OTOF: variants seen among roughly 807,000 people sequenced by gnomAD.
OTOF encodes fer-1-like family member 2.
Under a neutral mutation model 236.8 loss-of-function variants are expected in OTOF, and 218 were observed. The ratio of observed to expected loss-of-function variants is 0.92; its 90% CI spans 0.82 to 1.03. The LOEUF is 1.03. OTOF is among the 50% of genes least tolerant of loss of function. OTOF has a pLI of 0.00. For missense variants in OTOF, 2,590 were observed against 2,694.4 expected, an observed-to-expected ratio of 0.96 and a Z score of 0.86; for synonymous variants, 1,041 against 1,072.5, an observed-to-expected ratio of 0.97 and a Z score of 0.57.
Position 26,468,444 on chromosome 2 carries a change from C to A in OTOF, c.4054G>T (p.Asp1352Tyr). The A allele has an allele frequency of 6.2e-7, 1 of 1,614,108 alleles. No homozygotes were observed. The highest frequency in any genetic ancestry group is 1.1e-5 in the South Asian group (1 of 91,076). Residue 1352 changes from aspartate (D) to tyrosine (Y), a missense_variant, in exon 33 of 47, where the codon GAC becomes TAC. Asp to Tyr is a radical substitution (Grantham distance 160). Coordinates refer to ENST00000272371, the MANE Select transcript of OTOF (RefSeq NM_194248.3). ...TCCACTTCCTCCTTCTCCTCCAAGT[C>A]AATTCCAGAGGGCTCTTGTTGTCGA... The part of the protein sequence containing the change: ...QLRQQEPSGI[D>Y]LEEKEEVDNT...
intron 1 of OTOF, among the ~76,000 whole-genome samples, chr2:26,551,514 T>G (rs1050903463): frequency 2.0e-5 from 3 of 152,162 alleles, no homozygotes; most frequent in Admixed American, 6.5e-5. Flanking sequence ...CATCCTGGGC[T>G]AAGTGGGTTT....
rs1664658651 is a variant in OTOF at position 26,464,974 on chromosome 2, G to T, written c.4855C>A (p.Leu1619Ile). ...CCGTCCACTTTGCCGTCTTTGCAGA[G>T]GCGGGTCAGGATCTGGCTGGGCTTC... ...PMKPSQILTR[L>I]CKDGKVDGPH... Residue 1619 changes from leucine to isoleucine, a missense_variant, in exon 39 of 47, where the codon CTC becomes ATC. Physicochemically the swap from Leu to Ile is conservative, Grantham distance 5. Around this residue, in one of 2 missense-constraint regions of OTOF, gnomAD observed 1,211 missense variants for 1,352.8 expected, o/e 0.90. Coordinates refer to ENST00000272371, the MANE Select transcript of OTOF (RefSeq NM_194248.3). 1 of 1,544,844 alleles carries T rather than the reference G, an allele frequency of 6.5e-7. No individual in the cohort carries two copies. The highest frequency in any genetic ancestry group is 1.4e-5 in the African/African-American group (1 of 71,780).
chr2:26,510,886 C>G, intron 5 of OTOF: 1 of 383,438 alleles, frequency 2.6e-6, no homozygotes, highest in Non-Finnish European at 4.9e-6. Context: ...TCTCACCCCA[C>G]AGCTTCGCAC....
chr2:26,536,983 G>A (rs186301690), intron 2 of OTOF, among the ~76,000 whole-genome samples: 8 of 152,310 alleles, frequency 5.3e-5, no homozygotes, highest in Admixed American at 3.9e-4. Flanking sequence ...GAGGGGAAGG[G>A]CAGGGAGAGG....
intron 1 of OTOF, among the ~76,000 whole-genome samples, chr2:26,552,081 T>C (rs1319052216): frequency 1.3e-5 from 1 of 74,528 alleles, no homozygotes; most frequent in East Asian, 4.4e-4. Context: ...TTTTTTTATA[T>C]ATAAAAAGTT....
At chr2:26,465,649 C>T (rs1664688232) in intron 38 of OTOF, 23 bp downstream of exon 38, 1 of 1,611,866 alleles carries the variant, frequency 6.2e-7, no homozygotes, top group Non-Finnish European at 8.5e-7. Context: ...CTGCCCCCGC[C>T]CTCTGCCCCA....
Position 26,461,125 on chromosome 2 carries a change from G to A in OTOF, c.5534-95C>T. ...GGCTCCTCGGCCCCTTGTTTGCTGA[G>A]TGCAGACCTCCCTGAGCCCACATCT... On this transcript the variant is annotated intron_variant, in intron 43 of 46. Transcript: ENST00000272371. The surrounding 1 kb of genome is among the most constrained non-coding windows in gnomAD (Gnocchi z 6.2). The A allele has an allele frequency of 1.1e-5, 12 of 1,050,764 alleles. 1 individual carries two copies. In the South Asian group the frequency reaches 1.6e-4, roughly 14 times the overall value. The allele number at this position is 1,050,764 out of a possible 1,614,324, so 65.1% of individuals were successfully genotyped here. A position where few individuals can be genotyped will look rare whatever the true frequency, so the allele number is the denominator to read the frequency against.
At position 26,460,773 on chromosome 2, in the gene OTOF, G is replaced by C; in HGVS notation, c.5713-26C>G. The C allele has an allele frequency of 6.2e-7, 1 of 1,612,928 alleles. No homozygotes were observed. Among genetic ancestry groups the C allele is most frequent in the Non-Finnish European group, 8.5e-7 (1 of 1,179,014 alleles). ...CTGCAGAGGACAGACAGGTCCCAGC[G>C]TCCAGGCTGCGTGCTGGGCCCTTGG... On this transcript the variant is annotated intron_variant, in intron 44 of 46. Transcript: ENST00000272371. The surrounding 1 kb of genome is among the most constrained non-coding windows in gnomAD (Gnocchi z 5.3).
chr2:26,477,829 A>G lies in OTOF; in HGVS notation c.2215-80T>C, dbSNP rs143141993. 6,076 of 1,581,032 alleles carry G rather than the reference A, an allele frequency of 3.8e-3. 15 individuals carry two copies. Among genetic ancestry groups the G allele is most frequent in the Non-Finnish European group, 4.7e-3 (5,502 of 1,163,544 alleles). ...CCCAAATGCCTCCTCCCTGTTGATC[A>G]GGGGAGTGAGGGACCTCATGATCTG... is the stretch of plus-strand genomic sequence containing the variant. On this transcript the variant is annotated intron_variant, in intron 18 of 46. Coordinates refer to ENST00000272371, the MANE Select transcript of OTOF (RefSeq NM_194248.3). The surrounding 1 kb of genome is among the most constrained non-coding windows in gnomAD (Gnocchi z 4.7).
chr2:26,557,764 G>C (rs1356524404), intron 1 of OTOF, among the ~76,000 whole-genome samples: 2 of 151,718 alleles, frequency 1.3e-5, no homozygotes, highest in Admixed American at 6.6e-5. Flanking sequence ...TGCTTCTGTA[G>C]CTTGCATGCT....
intron 2 of OTOF, among the ~76,000 whole-genome samples, chr2:26,530,866 G>A (rs1321932558): frequency 6.6e-6 from 1 of 152,164 alleles, no homozygotes; most frequent in African/African-American, 2.4e-5. Flanking sequence ...GTGGGGTCCT[G>A]GCATCAGTGT....
At chr2:26,523,598 A>T (rs1240776586) in intron 3 of OTOF, among the ~76,000 whole-genome samples, 1 of 152,080 alleles carries the variant, frequency 6.6e-6, no homozygotes, top group East Asian at 1.9e-4. Context: ...CCTTCAGAGA[A>T]GAGGGGCCAC....
chr2:26,479,148 G>C, intron 18 of OTOF, 116 bp downstream of exon 18: 1 of 1,355,972 alleles, frequency 7.4e-7, no homozygotes, highest in Non-Finnish European at 1.0e-6. Flanking sequence ...AGGTCCTGCT[G>C]GGGCCGTTCC....
In OTOF at chr2:26,473,512, C is replaced by T. The variant is rs532405862; in HGVS notation, c.3464G>A (p.Arg1155Gln). 137 of 1,612,756 alleles carry T rather than the reference C, an allele frequency of 8.5e-5. No individual in the cohort carries two copies. In the South Asian group the frequency reaches 1.1e-3, roughly 13 times the overall value. ...TGCACACTCGATGTCCACCCGTGGC[C>T]GGTCCACCTGGGCCAGGTTCACCCG... ...LKRVNLAQVDRPRVDIECAGK... is the reference protein window; with the variant it reads ...LKRVNLAQVDQPRVDIECAGK... The change falls in exon 28 of 47, where the codon CGG becomes CAG. Residue 1155 changes from arginine (R) to glutamine (Q), a missense_variant. Around this residue, in one of 2 missense-constraint regions of OTOF, gnomAD observed 1,211 missense variants for 1,352.8 expected, o/e 0.90. Coordinates refer to ENST00000272371, the MANE Select transcript of OTOF (RefSeq NM_194248.3). The surrounding 1 kb of genome is among the most constrained non-coding windows in gnomAD (Gnocchi z 7.2).
At position 26,479,572 on chromosome 2, in the gene OTOF, A is replaced by C. The variant is rs762096448; in HGVS notation, c.1994T>G (p.Val665Gly). 8.7e-6 allele frequency: 14 copies of C among 1,612,558 alleles called. No homozygotes were observed. In the South Asian group the frequency reaches 1.4e-4, roughly 16 times the overall value. Residue 665 changes from valine (V) to glycine (G), a missense_variant, in exon 17 of 47, where the codon GTA becomes GGA. Transcript: ENST00000272371. ...PRKEPGDEEE[V>G]DLIQNASDDE... ...ATCACTTGCGTTCTGAATCAGGTCT[A>C]CTTCTTCCTCATCCCCCGGCTCCTT... is the stretch of plus-strand genomic sequence containing the variant.
chr2:26,547,147 C>T (rs1174755193), intron 1 of OTOF, among the ~76,000 whole-genome samples: 2 of 152,050 alleles, frequency 1.3e-5, no homozygotes, highest in Non-Finnish European at 2.9e-5. Flanking sequence ...TGAGGAAGCT[C>T]CTTTTATTGG....
chr2:26,476,014 G>A lies in OTOF; in HGVS notation c.2891C>T (p.Ala964Val), dbSNP rs201329629. The change falls in exon 24 of 47, where the codon GCG becomes GTG. Residue 964 changes from alanine (A) to valine (V), a missense_variant. This residue lies in a region of OTOF where 1,379 missense variants were observed against 1,341.6 expected (regional missense o/e 1.03). Transcript: ENST00000272371. ...GAGGCTGCGGGCCTGGTACATGTGC[G>A]CTCGGAGCTGGAACGCCTGCTTCTC... Reference protein sequence around the residue: ...YTKKQAFQLRAHMYQARSLFA... With the variant: ...YTKKQAFQLRVHMYQARSLFA... 8.7e-6 allele frequency: 14 copies of A among 1,612,546 alleles called. No homozygotes were observed. In the Admixed American group the frequency reaches 1.2e-4, roughly 13 times the overall value.
chr2:26,524,022 C>G (rs1666742662), intron 3 of OTOF, among the ~76,000 whole-genome samples: 1 of 152,236 alleles, frequency 6.6e-6, no homozygotes. Context: ...TTTCCCATCT[C>G]AGCTCTGCAG....
rs1283279390 is a variant in OTOF, at chr2:26,483,664, G to C, written c.1206-16C>G. ...CAGCAAGTTCCTGCCAGCACATACA[G>C]CCAGGGCCATGGTCACCAGGTCCAG... On this transcript the variant is annotated splice_polypyrimidine_tract_variant and intron_variant, in intron 12 of 46. Transcript: ENST00000272371. The C allele has an allele frequency of 6.2e-7, 1 of 1,610,466 alleles. No homozygotes were observed. Among genetic ancestry groups the C allele is most frequent in the Admixed American group, 1.7e-5 (1 of 59,908 alleles).
Sources: allele counts gnomAD v4.1 joint callset (sites outside exome capture counted in the v4.1 genomes callset), GRCh38; gene constraint gnomAD v4.1.1; regional missense constraint gnomAD v4.1.1; non-coding constraint Gnocchi (gnomAD v3.1); transcripts MANE v1.5; gene names NCBI Gene and HGNC (gene_info 2026-07-23, HGNC 2026-07-21).